The following PPWD1 variants were observed in gnomAD, a reference collection of about 807,000 sequenced individuals.
PPWD1 encodes the protein peptidylprolyl isomerase domain and WD repeat containing 1.
PPWD1 carries 43 observed loss-of-function variants against 68.8 expected under a neutral mutation model. The observed-to-expected ratio is 0.62, with a 90% CI of 0.49 to 0.81. The LOEUF is 0.81. Among genes scored for constraint, PPWD1 ranks in the 30% least tolerant of loss-of-function variants. The pLI is 0.00. For synonymous variants in PPWD1, 232 were observed against 258.7 expected (o/e 0.90, Z 0.99); for missense variants, 672 against 804.8 (o/e 0.83, Z 2.00).
Position 65,567,481 on chromosome 5 carries a change from A to G in PPWD1, c.197-32A>G, listed in dbSNP as rs1752827461. The G allele has an allele frequency of 9.5e-6, 15 of 1,571,218 alleles. No individual in the cohort carries two copies. In the South Asian group the frequency reaches 1.8e-4, roughly 19 times the overall value. ...ATAGTATTTGGTTTATTTGTTAAAAATAGATCTTATACTTTACTTTTTTTT... is the reference window on the plus strand; with the variant it reads ...ATAGTATTTGGTTTATTTGTTAAAAGTAGATCTTATACTTTACTTTTTTTT... On this transcript the variant is annotated intron_variant, in intron 1 of 10. Coordinates refer to ENST00000261308, the MANE Select transcript of PPWD1 (RefSeq NM_015342.4).
chr5:65,571,970 T>C lies in PPWD1; in HGVS notation c.653T>C (p.Phe218Ser). The change falls in exon 5 of 11, where the codon TTT becomes TCT. Residue 218 changes from phenylalanine to serine, a missense_variant. Transcript: ENST00000261308. The stretch of plus-strand genomic sequence containing the variant: ...GGAGATAACCAGCCACTTCATATTT[T>C]TGACAAACTCCATACATCACCTCTT... Reference protein sequence around the residue: ...GRGDNQPLHIFDKLHTSPLTQ... With the variant: ...GRGDNQPLHISDKLHTSPLTQ... 2 of 1,614,078 alleles carry C rather than the reference T, an allele frequency of 1.2e-6. No homozygotes were observed. Among genetic ancestry groups the C allele is most frequent in the Non-Finnish European group, 8.5e-7 (1 of 1,179,926 alleles).
chr5:65,571,900 G>C lies in PPWD1; in HGVS notation c.583G>C (p.Ala195Pro), dbSNP rs1475083897. The C allele has an allele frequency of 6.2e-7, 1 of 1,613,914 alleles. No homozygotes were observed. The highest frequency in any genetic ancestry group is 1.3e-5 in the African/African-American group (1 of 74,888). The stretch of plus-strand genomic sequence containing the variant: ...AGGGGATGCAATTTCTTCAGTTGCT[G>C]CTTCCGAAAAGAGTACAGGAAAAAT... ...CPGDAISSVA[A>P]SEKSTGKIFI... Residue 195 changes from alanine to proline, a missense_variant, in exon 5 of 11, where the codon GCT becomes CCT. By Grantham distance (27) the Ala-to-Pro change is conservative. Transcript: ENST00000261308.
chr5:65,580,317 A>G (rs1753536660), intron 7 of PPWD1, among the ~76,000 whole-genome samples: 1 of 152,194 alleles, frequency 6.6e-6, no homozygotes, highest in Non-Finnish European at 1.5e-5. Flanking sequence ...TGCCCCAGCT[A>G]TCTATGCTGG....
intron 10 of PPWD1, among the ~76,000 whole-genome samples, chr5:65,586,991 T>C (rs1264715479): frequency 6.6e-6 from 1 of 152,178 alleles, no homozygotes; most frequent in Non-Finnish European, 1.5e-5. Flanking sequence ...AACTTACCTT[T>C]AGGGAAGATC....
At chr5:65,565,582 T>G (rs1274207441) in intron 1 of PPWD1, among the ~76,000 whole-genome samples, 1 of 152,018 alleles carries the variant, frequency 6.6e-6, no homozygotes, top group African/African-American at 2.4e-5. Flanking sequence ...GGCGGGCAGA[T>G]CATCAGGTCA....
intron 9 of PPWD1, 92 bp downstream of exon 9, chr5:65,585,187 A>T (rs1753780384): frequency 7.8e-7 from 1 of 1,289,542 alleles, no homozygotes; most frequent in South Asian, 1.4e-5. Context: ...TCTCACACTT[A>T]ATCAGTTTAG....
chr5:65,584,337 T>C (rs909511989), intron 8 of PPWD1, among the ~76,000 whole-genome samples: 1 of 152,180 alleles, frequency 6.6e-6, no homozygotes, highest in African/African-American at 2.4e-5. Context: ...ATGAACCGTA[T>C]GAAATAATTG....
chr5:65,579,578 GT>G lies in PPWD1; in HGVS notation c.1316del (p.Val439AlafsTer98). The G allele has an allele frequency of 6.3e-7, 1 of 1,597,202 alleles. No individual in the cohort carries two copies. The highest frequency in any genetic ancestry group is 8.5e-7 in the Non-Finnish European group (1 of 1,173,950). On this transcript the variant is annotated frameshift_variant, in exon 7 of 11. Transcript: ENST00000261308. LOFTEE classifies it high-confidence loss of function. Reference protein sequence around the residue: ...LQNIQADPTIVCTSFKKNRFY... With the variant: ...LQNIQADPTIXCTSFKKNRFY... ...GAATATTCAAGCTGACCCAACAATAGTCTGTACATCATTCAAAAAGAATAGA... is the reference window on the plus strand; with the variant it reads ...GAATATTCAAGCTGACCCAACAATAGCTGTACATCATTCAAAAAGAATAGA...
intron 2 of PPWD1, chr5:65,568,882 T>G (rs1323034289): frequency 6.6e-6 from 3 of 455,292 alleles, no homozygotes; most frequent in Non-Finnish European, 1.3e-5. Context: ...TGTCACTCTC[T>G]TCTCAAATAT....
intron 2 of PPWD1, chr5:65,569,249 G>C: frequency 3.3e-6 from 1 of 299,848 alleles, no homozygotes; most frequent in Non-Finnish European, 6.5e-6. Context: ...GCGTATGAAA[G>C]TAGTATGTTT....
In PPWD1 at chr5:65,563,739, C is replaced by T. The variant is rs78959580; in HGVS notation, c.196+233C>T. On this transcript the variant is annotated intron_variant, in intron 1 of 10. Transcript: ENST00000261308. ...ACTTTTGATCATTGATTTGTTATGA[C>T]AGATGCTAAAACTAACATTTTCCTA... 5.4e-3 allele frequency: 7,791 copies of T among 1,431,212 alleles called. 24 individuals are homozygous for T. Among genetic ancestry groups the T allele is most frequent in the Non-Finnish European group, 6.5e-3 (6,837 of 1,051,514 alleles). 88.7% of individuals were successfully genotyped at this position (1,431,212 alleles called of 1,614,324 possible).
intron 1 of PPWD1, among the ~76,000 whole-genome samples, chr5:65,564,496 T>C (rs915005456): frequency 6.6e-6 from 1 of 152,094 alleles, no homozygotes; most frequent in African/African-American, 2.4e-5. Flanking sequence ...AATTTTTGTA[T>C]TTTTAGTAGG....
At chr5:65,582,845 C>T in intron 7 of PPWD1, 193 bp from the exon 8 acceptor site, 1 of 655,250 alleles carries the variant, frequency 1.5e-6, no homozygotes, top group Non-Finnish European at 2.2e-6. Flanking sequence ...TATGTGGATC[C>T]TTTTCATATT....
At chr5:65,564,005 A>G in intron 1 of PPWD1, 1 of 672,058 alleles carries the variant, frequency 1.5e-6, no homozygotes, top group Non-Finnish European at 2.5e-6. Flanking sequence ...ATCTAGGGAA[A>G]ATGACGTAAG....
intron 8 of PPWD1, among the ~76,000 whole-genome samples, chr5:65,584,517 C>T (rs933199746): frequency 6.6e-6 from 1 of 152,070 alleles, no homozygotes; most frequent in Non-Finnish European, 1.5e-5. Context: ...GGAACTTAAC[C>T]TATACTACTA....
At chr5:65,563,913 G>C in intron 1 of PPWD1, 1 of 1,331,240 alleles carries the variant, frequency 7.5e-7, no homozygotes. Flanking sequence ...GTGTTGGGGC[G>C]CGAGAGGAAG....
Position 65,576,900 on chromosome 5 carries a change from A to G in PPWD1, c.991A>G (p.Met331Val). The part of the protein sequence containing the change: ...SLSMFTELQQ[M>V]RQQLPDMEFG... ...CTAGATGTTTACTGAACTGCAACAG[A>G]TGAGGCAACAGTTACCAGACATGGA... is the stretch of plus-strand genomic sequence containing the variant. The change falls in exon 6 of 11, where the codon ATG becomes GTG. Residue 331 changes from methionine to valine, a missense_variant. Coordinates refer to ENST00000261308, the MANE Select transcript of PPWD1 (RefSeq NM_015342.4). The G allele has an allele frequency of 6.2e-7, 1 of 1,614,142 alleles. No homozygotes were observed. The highest frequency in any genetic ancestry group is 1.1e-5 in the South Asian group (1 of 91,072).
At position 65,577,232 on chromosome 5, in the gene PPWD1, G is replaced by T. The variant is rs566870661; in HGVS notation, c.1160+163G>T. Among the ~76,000 whole-genome samples, 61 of 152,198 alleles carry T rather than the reference G, an allele frequency of 4.0e-4. 1 individual carries two copies. Among genetic ancestry groups the T allele is most frequent in the East Asian group, 2.3e-3 (12 of 5,182 alleles). ...TGACTGGATTTTTCTGTGGTCTCTT[G>T]GTTGTTTATAATCTTATGTAGAAAG... On this transcript the variant is annotated intron_variant, in intron 6 of 10. Transcript: ENST00000261308.
At chr5:65,574,448 C>CT (rs573705705) in intron 5 of PPWD1, among the ~76,000 whole-genome samples, 1,152 of 92,008 alleles carry the variant, frequency 0.013, 139 homozygotes, top group African/African-American at 0.034. Flanking sequence ...ACACAAATCT[C>CT]TTTTTTTTTT....
Sources: gnomAD v4.1 joint callset for allele counts (sites outside exome capture counted in the v4.1 genomes callset) on GRCh38, gnomAD v4.1.1 for gene constraint, MANE v1.5 for transcripts, NCBI Gene and HGNC (gene_info 2026-07-23, HGNC 2026-07-21) for gene names.